The following AP4M1 variants were observed in gnomAD, a reference collection of about 807,000 sequenced individuals.
The protein encoded by AP4M1 is AP-4 complex subunit mu-1.
In AP4M1, 58 loss-of-function variants were observed where a neutral mutation model predicts 62.4. The ratio of observed to expected loss-of-function variants is 0.93; its 90% CI spans 0.75 to 1.16. The LOEUF (loss-of-function observed/expected upper bound fraction) is 1.16, where lower values mean the gene tolerates loss of function less well. AP4M1 is among the 50% of genes most tolerant of loss of function. AP4M1 has a pLI of 0.00. For missense variants in AP4M1, 626 were observed against 585.4 expected, an observed-to-expected ratio of 1.07 and a Z score of -0.72; for synonymous variants, 290 against 239.7, an observed-to-expected ratio of 1.21 and a Z score of -1.94.
intron 14 of AP4M1, 47 bp downstream of exon 14, chr7:100,106,561 A>AGCG: frequency 1.3e-6 from 2 of 1,567,412 alleles, no homozygotes. Context: ...ATTCACTTGC[A>AGCG]GCCCCCACCC....
Position 100,107,307 on chromosome 7 carries a change from G to A in AP4M1, c.*425G>A. On this transcript the variant is annotated 3_prime_UTR_variant, in exon 15 of 15. Transcript: ENST00000359593. ...GGAGCCATTGGCTTTTGGAGTCCCTGGAGCTGGAGGGGGACTGTCCCCAGC... is the reference window on the plus strand; with the variant it reads ...GGAGCCATTGGCTTTTGGAGTCCCTAGAGCTGGAGGGGGACTGTCCCCAGC... 1 of 1,529,236 alleles carries A rather than the reference G, an allele frequency of 6.5e-7. No individual in the cohort carries two copies. 94.7% of individuals were successfully genotyped at this position (1,529,236 alleles called of 1,614,324 possible). A position where few individuals can be genotyped will look rare whatever the true frequency, so the allele number is the denominator to read the frequency against.
intron 14 of AP4M1, 23 bp downstream of exon 14, chr7:100,106,537 C>T (rs765347085): frequency 1.3e-6 from 2 of 1,599,470 alleles, no homozygotes; most frequent in South Asian, 1.1e-5. Context: ...GACCCCCAGC[C>T]CCTCTCCTCC....
At chr7:100,101,281 T>C, upstream of AP4M1, 9 of 1,613,268 alleles carry the variant, frequency 5.6e-6, no homozygotes, top group Non-Finnish European at 7.6e-6. Context: ...TAGCGCGTAG[T>C]CCTTCAGTGC....
chr7:100,101,274 C>G (rs201039171), upstream of AP4M1: 6 of 1,613,274 alleles, frequency 3.7e-6, no homozygotes, highest in African/African-American at 6.7e-5. Flanking sequence ...CCTTCTCTAG[C>G]GCGTAGTCCT....
At chr7:100,100,979 T>C (rs571293903), upstream of AP4M1, 137 of 930,724 alleles carry the variant, frequency 1.5e-4, 1 homozygote, top group South Asian at 2.4e-3. Flanking sequence ...GGCGCGACTT[T>C]TCCCTGTGCA....
intron 8 of AP4M1, 51 bp from the exon 9 acceptor site, chr7:100,104,994 G>T (rs761038629): frequency 6.2e-7 from 1 of 1,613,960 alleles, no homozygotes; most frequent in Non-Finnish European, 8.5e-7. Flanking sequence ...GTTCCTTGGT[G>T]TCTTAAACCA....
Position 100,107,918 on chromosome 7 carries a change from C to A in AP4M1, c.*1036C>A. Reference sequence around the variant, plus strand: ...TCCAGATGCTCCCTGTCCCACAGCTCTGCATACCTGCTGGGTGGATGGGGC... The same window carrying A: ...TCCAGATGCTCCCTGTCCCACAGCTATGCATACCTGCTGGGTGGATGGGGC... On this transcript the variant is annotated 3_prime_UTR_variant, in exon 15 of 15. Coordinates refer to ENST00000359593, the MANE Select transcript of AP4M1 (RefSeq NM_004722.4). 6.2e-7 allele frequency: 1 copy of A among 1,601,440 alleles called. No homozygotes were observed. The highest frequency in any genetic ancestry group is 2.2e-5 in the East Asian group (1 of 44,780).
chr7:100,106,616 GC>G (rs1206046904), intron 14 of AP4M1, 41 bp from the exon 15 acceptor site: 1 of 1,440,188 alleles, frequency 6.9e-7, no homozygotes, highest in Non-Finnish European at 9.3e-7. Context: ...AGCGTGGTCA[GC>G]TTCTTGCCCT....
At chr7:100,101,511 T>C (rs2116610707), upstream of AP4M1, 2 of 791,572 alleles carry the variant, frequency 2.5e-6, no homozygotes, top group East Asian at 2.7e-5. Flanking sequence ...GGGCCTAGAA[T>C]GAGTGACGGG....
rs1435111263 is a variant in AP4M1, at chr7:100,102,180, A to G, written c.147+212A>G. On this transcript the variant is annotated intron_variant, in intron 2 of 14. Transcript: ENST00000359593. ...CGGATCACCTGAGGTCAGGAGTTCGAAATCAGCCTGGCCAACATGGTGAAA... is the reference window on the plus strand; with the variant it reads ...CGGATCACCTGAGGTCAGGAGTTCGGAATCAGCCTGGCCAACATGGTGAAA... The G allele has an allele frequency of 3.9e-5, 25 of 649,120 alleles. No homozygotes were observed. The Admixed American group carries it at 6.2e-4, about 16-fold the overall frequency. 40.2% of individuals were successfully genotyped at this position (649,120 alleles called of 1,614,324 possible).
chr7:100,103,162 C>G, intron 4 of AP4M1: 1 of 655,618 alleles, frequency 1.5e-6, no homozygotes, highest in Non-Finnish European at 2.7e-6. Context: ...GCCTGGAACT[C>G]CTGGGCTCAA....
At chr7:100,102,590 T>G in intron 2 of AP4M1, 85 bp from the exon 3 acceptor site, 1 of 1,195,634 alleles carries the variant, frequency 8.4e-7, no homozygotes, top group Non-Finnish European at 1.2e-6. Flanking sequence ...GTAAGAGGCA[T>G]CGGGATCCGA....
Position 100,108,043 on chromosome 7 carries a change from G to A in AP4M1, c.*1161G>A, listed in dbSNP as rs114272994. 7.3e-4 allele frequency: 1,177 copies of A among 1,613,556 alleles called. 9 individuals carry two copies. In the African/African-American group the frequency reaches 0.014, roughly 19 times the overall value. On this transcript the variant is annotated 3_prime_UTR_variant, in exon 15 of 15. Coordinates refer to ENST00000359593, the MANE Select transcript of AP4M1 (RefSeq NM_004722.4). ...ACACCAGTGTCTGGACAGGAAGTGC[G>A]ATGGAGCCAGGAACCTTCAGCAAGC...
chr7:100,105,560 C>G (rs1796396816), intron 11 of AP4M1, 21 bp downstream of exon 11: 2 of 1,600,294 alleles, frequency 1.2e-6, no homozygotes, highest in Admixed American at 3.3e-5. Context: ...TTCCTGGGTT[C>G]TAGAACTACC....
At position 100,106,690 on chromosome 7, in the gene AP4M1, C is replaced by A; in HGVS notation, c.1170C>A (p.Ser390Arg). The change falls in exon 15 of 15, where the codon AGC becomes AGA. Residue 390 changes from serine to arginine, a missense_variant. By Grantham distance (110) the Ser-to-Arg change is moderately radical (BLOSUM62 -1). Coordinates refer to ENST00000359593, the MANE Select transcript of AP4M1 (RefSeq NM_004722.4). Reference sequence around the variant, plus strand: ...TCCCAGGGCCCCCAGGACCTCCCAGCCATGGGCTCTCCACCTCGGCCTCTC... The same window carrying A: ...TCCCAGGGCCCCCAGGACCTCCCAGACATGGGCTCTCCACCTCGGCCTCTC... ...MDVPGPPGPP[S>R]HGLSTSASPL... 6.2e-7 allele frequency: 1 copy of A among 1,613,622 alleles called. No individual in the cohort carries two copies. The highest frequency in any genetic ancestry group is 8.5e-7 in the Non-Finnish European group (1 of 1,180,014).
At chr7:100,103,061 CTTT>C (rs55764736) in intron 4 of AP4M1, 101 bp downstream of exon 4, 21,473 of 480,358 alleles carry the variant, frequency 0.045, no homozygotes, top group East Asian at 0.075. Context: ...CCAAGTCTAC[CTTT>C]TTTTTTTTTT....
At position 100,107,204 on chromosome 7, in the gene AP4M1, A is replaced by ACG. The variant is rs1562915554; in HGVS notation, c.*322_*323insCG. 3 of 1,518,604 alleles carry ACG rather than the reference A, an allele frequency of 2.0e-6. No individual in the cohort carries two copies. The Admixed American group carries it at 6.7e-5, about 34-fold the overall frequency. 94.1% of individuals were successfully genotyped at this position (1,518,604 alleles called of 1,614,324 possible). A position where few individuals can be genotyped will look rare whatever the true frequency, so the allele number is the denominator to read the frequency against. Reference sequence around the variant, plus strand: ...CATGTGTGTACGTGCACGTGTGTACATGTCTGCATGTGTGGGAATCCGGGG... The same window carrying ACG: ...CATGTGTGTACGTGCACGTGTGTACACGTGTCTGCATGTGTGGGAATCCGGGG... On this transcript the variant is annotated 3_prime_UTR_variant, in exon 15 of 15. Coordinates refer to ENST00000359593, the MANE Select transcript of AP4M1 (RefSeq NM_004722.4).
In AP4M1 at chr7:100,107,502, G is replaced by A; in HGVS notation, c.*620G>A. On this transcript the variant is annotated 3_prime_UTR_variant, in exon 15 of 15. Transcript: ENST00000359593. ...CCCAGGACCAGAGGGAGCAGTGCTGGGGGGTGCGGTGGTGGCGGTGGAGAC... is the reference window on the plus strand; with the variant it reads ...CCCAGGACCAGAGGGAGCAGTGCTGAGGGGTGCGGTGGTGGCGGTGGAGAC... 10 of 1,614,154 alleles carry A rather than the reference G, an allele frequency of 6.2e-6. No homozygotes were observed. Among genetic ancestry groups the A allele is most frequent in the Non-Finnish European group, 8.5e-6 (10 of 1,180,004 alleles).
At chr7:100,102,036 C>T in intron 2 of AP4M1, 68 bp downstream of exon 2, 1 of 1,549,814 alleles carries the variant, frequency 6.5e-7, no homozygotes, top group East Asian at 2.3e-5. Flanking sequence ...AGCTCCCTCC[C>T]AGGACTGGTT....
Sources: allele counts gnomAD v4.1 joint callset, GRCh38; gene constraint gnomAD v4.1.1; transcripts MANE v1.5; gene names NCBI Gene and HGNC (gene_info 2026-07-23, HGNC 2026-07-21).